The following CATSPERE variants were observed in gnomAD, a reference collection of about 807,000 sequenced individuals.
CATSPERE encodes the protein cation channel sperm-associated auxiliary subunit epsilon.
In CATSPERE, 93 loss-of-function variants were observed where a neutral mutation model predicts 114.1. The observed-to-expected ratio is 0.81, with a 90% CI of 0.69 to 0.97. CATSPERE has a LOEUF of 0.97. CATSPERE is among the 50% of genes least tolerant of loss of function. The pLI is 0.00. For missense variants in CATSPERE, 1,058 were observed against 1,131.6 expected, an observed-to-expected ratio of 0.93 and a Z score of 0.93; for synonymous variants, 341 against 384.1, an observed-to-expected ratio of 0.89 and a Z score of 1.31.
At chr1:244,507,600 T>G (rs1675024811) in intron 7 of CATSPERE, among the ~76,000 whole-genome samples, 1 of 152,206 alleles carries the variant, frequency 6.6e-6, no homozygotes. Context: ...TTTCTTCTAG[T>G]AGTTTTATAG....
chr1:244,625,088 G>A (rs1672929937), intron 20 of CATSPERE, among the ~76,000 whole-genome samples: 1 of 151,946 alleles, frequency 6.6e-6, no homozygotes, highest in Admixed American at 6.6e-5. Flanking sequence ...ATGGCATCTA[G>A]AATGGTGAAT....
chr1:244,574,672 G>T (rs116801428), intron 11 of CATSPERE, among the ~76,000 whole-genome samples: 101 of 152,168 alleles, frequency 6.6e-4, no homozygotes, highest in Non-Finnish European at 1.1e-3. Context: ...TAATTATTTG[G>T]CAGAGTGTTC....
intron 8 of CATSPERE, among the ~76,000 whole-genome samples, chr1:244,525,367 T>A (rs1238282432): frequency 3.9e-4 from 59 of 150,368 alleles, no homozygotes. Context: ...GCGGGATAGC[T>A]CTGGAAGATA....
chr1:244,460,759 C>T (rs1249223593), upstream of CATSPERE, among the ~76,000 whole-genome samples: 1 of 152,224 alleles, frequency 6.6e-6, no homozygotes. Context: ...ACTCAAAATA[C>T]AAAAATTAGC....
chr1:244,509,405 C>A (rs1451827439), intron 7 of CATSPERE, among the ~76,000 whole-genome samples: 1 of 152,000 alleles, frequency 6.6e-6, no homozygotes, highest in Non-Finnish European at 1.5e-5. Context: ...GTTGAACCAC[C>A]CTTGTATCCC....
rs957383295 is a variant in CATSPERE at position 244,589,908 on chromosome 1, G to A, written c.2138+1374G>A. Among the ~76,000 whole-genome samples the A allele has an allele frequency of 7.2e-5, 11 of 152,228 alleles. No homozygotes were observed. The South Asian group carries it at 2.3e-3, about 32-fold the overall frequency. ...CTCTTAGTCAATGACCCACTTCCCT[G>A]GAACCCTAAAAACTCTAATATCTTG... On this transcript the variant is annotated intron_variant, in intron 14 of 21. Coordinates refer to ENST00000366534, the MANE Select transcript of CATSPERE (RefSeq NM_001130957.2).
intron 20 of CATSPERE, among the ~76,000 whole-genome samples, chr1:244,625,428 A>ATTTTTTTTTTTTTTTTT (rs1234328450): frequency 5.3e-3 from 20 of 3,740 alleles, no homozygotes; most frequent in Non-Finnish European, 0.012. Flanking sequence ...ATATATATAT[A>ATTTTTTTTTTTTTTTTT]TATATTTTTT....
At chr1:244,577,944 G>C (rs1665539688) in intron 11 of CATSPERE, among the ~76,000 whole-genome samples, 1 of 152,090 alleles carries the variant, frequency 6.6e-6, no homozygotes, top group Non-Finnish European at 1.5e-5. Flanking sequence ...CCTACTATGG[G>C]GGAAGATGAT....
chr1:244,625,408 ATAT>A (rs1558618832), intron 20 of CATSPERE, among the ~76,000 whole-genome samples: 186 of 9,348 alleles, frequency 0.02, 51 homozygotes, highest in Middle Eastern at 0.028. Flanking sequence ...ATTATTATTT[ATAT>A]ATATATATAT....
At chr1:244,634,323 G>A (rs1279507155) in intron 20 of CATSPERE, among the ~76,000 whole-genome samples, 1 of 152,106 alleles carries the variant, frequency 6.6e-6, no homozygotes, top group African/African-American at 2.4e-5. Context: ...TTTTTGAGCC[G>A]TTCTGTATCT....
chr1:244,545,807 A>AGTCTGGGTGGAAATGGGAGT (rs1659662273), intron 8 of CATSPERE, among the ~76,000 whole-genome samples: 1 of 152,208 alleles, frequency 6.6e-6, no homozygotes. Context: ...GGGCCCTAAC[A>AGTCTGGGTGGAAATGGGAGT]GGCCCTCAAG....
At chr1:244,567,701 TG>T (rs562696010) in intron 10 of CATSPERE, among the ~76,000 whole-genome samples, 101 of 152,100 alleles carry the variant, frequency 6.6e-4, no homozygotes, top group African/African-American at 2.3e-3. Context: ...AGGTTATTTA[TG>T]TCCTTCTCTA....
rs1349159721 is a variant in CATSPERE, at chr1:244,524,818, T to A, written c.536+6120T>A. On this transcript the variant is annotated intron_variant, in intron 8 of 21. Transcript: ENST00000366534. ...CATCTCACACCAGTTAGAATGCCAA[T>A]CATTAAAAAGTCAGGAAACAACAGG... 2.1e-5 allele frequency among the ~76,000 whole-genome samples: 3 copies of A among 145,864 alleles called. 1 individual carries two copies. Among genetic ancestry groups the A allele is most frequent in the African/African-American group, 8.2e-5 (3 of 36,480 alleles).
At chr1:244,509,852 A>C (rs896010075) in intron 7 of CATSPERE, among the ~76,000 whole-genome samples, 1 of 152,064 alleles carries the variant, frequency 6.6e-6, no homozygotes, top group African/African-American at 2.4e-5. Flanking sequence ...AGGTTTCACA[A>C]TTTGTTAGCA....
chr1:244,504,951 C>G lies in CATSPERE; in HGVS notation c.429+5872C>G, dbSNP rs1308057513. On this transcript the variant is annotated intron_variant, in intron 7 of 21. Transcript: ENST00000366534. The surrounding 1 kb of genome is among the most constrained non-coding windows in gnomAD (Gnocchi z 4.1). ...TATCTACATAAATATTTTTGGAATT[C>G]TTATTTTATGGCAAACTTGTCTTAT... Among the ~76,000 whole-genome samples, 1 of 152,086 alleles carries G rather than the reference C, an allele frequency of 6.6e-6. No individual in the cohort carries two copies. Among genetic ancestry groups the G allele is most frequent in the Non-Finnish European group, 1.5e-5 (1 of 68,008 alleles).
intron 20 of CATSPERE, among the ~76,000 whole-genome samples, chr1:244,626,587 T>C (rs552143773): frequency 1.3e-5 from 2 of 151,566 alleles, no homozygotes; most frequent in Admixed American, 1.3e-4. Context: ...GCCACCTTCA[T>C]CAATCATCTT....
chr1:244,502,569 A>G (rs1226066857), intron 7 of CATSPERE, among the ~76,000 whole-genome samples: 2 of 152,166 alleles, frequency 1.3e-5, no homozygotes, highest in African/African-American at 4.8e-5. Context: ...AGTGTTTTAA[A>G]GACACTGTTT....
intron 10 of CATSPERE, among the ~76,000 whole-genome samples, chr1:244,565,118 A>T (rs908968802): frequency 2.0e-5 from 3 of 152,202 alleles, no homozygotes; most frequent in Non-Finnish European, 2.9e-5. Context: ...GTAGTGGATA[A>T]GTTTTTTAAT....
chr1:244,480,961 G>T (rs6676742), intron 5 of CATSPERE, among the ~76,000 whole-genome samples: 2 of 152,044 alleles, frequency 1.3e-5, no homozygotes, highest in African/African-American at 4.8e-5. Flanking sequence ...AAATGGACAA[G>T]GGCAAATTTG....
Sources: allele counts gnomAD v4.1 joint callset (sites outside exome capture counted in the v4.1 genomes callset), GRCh38; gene constraint gnomAD v4.1.1; non-coding constraint Gnocchi (gnomAD v3.1); transcripts MANE v1.5; gene names NCBI Gene and HGNC (gene_info 2026-07-23, HGNC 2026-07-21).